The following STXBP6 variants were observed in gnomAD, a reference collection of about 807,000 sequenced individuals.
STXBP6 encodes syntaxin-binding protein 6.
STXBP6 carries 21 observed loss-of-function variants against 26.9 expected under a neutral mutation model. The ratio of observed to expected loss-of-function variants is 0.78; its 90% CI spans 0.55 to 1.12. The LOEUF is 1.12. STXBP6 is among the 50% of genes most tolerant of loss of function. The pLI is 0.00. For synonymous variants in STXBP6, 97 were observed against 92.6 expected (o/e 1.05, Z -0.27); for missense variants, 232 against 257.9 (o/e 0.90, Z 0.69).
chr14:24,935,409 T>C (rs945004509), intron 2 of STXBP6, among the ~76,000 whole-genome samples: 2 of 152,072 alleles, frequency 1.3e-5, no homozygotes, highest in East Asian at 1.9e-4. Flanking sequence ...AAAAGCAACA[T>C]CCGTCCCCTG....
chr14:24,888,935 T>C (rs368302001), intron 2 of STXBP6, among the ~76,000 whole-genome samples: 1 of 152,096 alleles, frequency 6.6e-6, no homozygotes, highest in East Asian at 1.9e-4. Flanking sequence ...CCCTGCCCCT[T>C]TTCCTCTTTT....
At chr14:24,976,359 T>A (rs552025141) in intron 1 of STXBP6, among the ~76,000 whole-genome samples, 1 of 152,350 alleles carries the variant, frequency 6.6e-6, no homozygotes, top group Non-Finnish European at 1.5e-5. Context: ...TTTCTCCTAG[T>A]TTTTATTCTG....
intron 1 of STXBP6, among the ~76,000 whole-genome samples, chr14:25,045,177 C>T (rs1303159741): frequency 6.6e-6 from 1 of 152,150 alleles, no homozygotes; most frequent in Non-Finnish European, 1.5e-5. Context: ...TATATAACCT[C>T]AGAAAATTCT....
At chr14:24,867,998 A>T (rs1448095512) in intron 2 of STXBP6, among the ~76,000 whole-genome samples, 1 of 152,024 alleles carries the variant, frequency 6.6e-6, no homozygotes, top group East Asian at 1.9e-4. Context: ...GGAGCTTGAG[A>T]CCAGCCTGGG....
At chr14:24,960,151 G>C (rs1158888737) in intron 2 of STXBP6, among the ~76,000 whole-genome samples, 3 of 152,212 alleles carry the variant, frequency 2.0e-5, no homozygotes, top group South Asian at 2.1e-4. Context: ...GTATCCCATA[G>C]AAAGCCATGG....
intron 1 of STXBP6, among the ~76,000 whole-genome samples, chr14:24,980,297 G>A (rs1364460722): frequency 6.6e-6 from 1 of 152,154 alleles, no homozygotes; most frequent in African/African-American, 2.4e-5. Context: ...CTTTAAAAGT[G>A]TTTAAGAAAG....
intron 2 of STXBP6, among the ~76,000 whole-genome samples, chr14:24,912,454 A>AG (rs1433786541): frequency 6.6e-6 from 1 of 151,948 alleles, no homozygotes; most frequent in Non-Finnish European, 1.5e-5. Context: ...AAAAAAAAAA[A>AG]AAAAAGTGAA....
At chr14:25,002,359 C>CTTTTTTTTTTTTTTTCTTTTTTT (rs1365586543) in intron 1 of STXBP6, among the ~76,000 whole-genome samples, 2 of 121,366 alleles carry the variant, frequency 1.6e-5, no homozygotes, top group African/African-American at 3.4e-5. Context: ...ATTCTTATGA[C>CTTTTTTTTTTTTTTTCTTTTTTT]TTTTTTTTTT....
chr14:24,865,327 G>A (rs2069678944), intron 2 of STXBP6, among the ~76,000 whole-genome samples: 1 of 152,132 alleles, frequency 6.6e-6, no homozygotes, highest in African/African-American at 2.4e-5. Flanking sequence ...CTAGTTTACT[G>A]CTTTGAGAGA....
chr14:24,971,939 T>C (rs983212691), intron 2 of STXBP6, among the ~76,000 whole-genome samples: 29 of 152,186 alleles, frequency 1.9e-4, no homozygotes, highest in African/African-American at 6.8e-4. Context: ...TCTTAATAAA[T>C]ATTTGACTAA....
chr14:24,864,911 A>G (rs1290284536), intron 2 of STXBP6, among the ~76,000 whole-genome samples: 1 of 152,154 alleles, frequency 6.6e-6, no homozygotes, highest in African/African-American at 2.4e-5. Flanking sequence ...AAAAAAGTGC[A>G]TGGTATCACT....
At chr14:24,951,581 C>G (rs1395460101) in intron 2 of STXBP6, among the ~76,000 whole-genome samples, 1 of 152,094 alleles carries the variant, frequency 6.6e-6, no homozygotes, top group African/African-American at 2.4e-5. Context: ...TACACAACTT[C>G]TAAAGTGCAT....
At position 24,952,784 on chromosome 14, in the gene STXBP6, T is replaced by C. The variant is rs1298819995; in HGVS notation, c.154+21881A>G. Among the ~76,000 whole-genome samples, 8 of 152,184 alleles carry C rather than the reference T, an allele frequency of 5.3e-5. No homozygotes were observed. The South Asian group carries it at 8.3e-4, about 16-fold the overall frequency. Reference sequence around the variant, plus strand: ...TTGTTTTCCCTCTTGATTTATTTAATGCTGTCCATAAATTTCATCAAATAA... The same window carrying C: ...TTGTTTTCCCTCTTGATTTATTTAACGCTGTCCATAAATTTCATCAAATAA... On this transcript the variant is annotated intron_variant, in intron 2 of 5. Transcript: ENST00000323944.
intron 4 of STXBP6, among the ~76,000 whole-genome samples, chr14:24,847,343 A>C (rs2068996826): frequency 6.6e-6 from 1 of 152,288 alleles, no homozygotes; most frequent in East Asian, 1.9e-4. Flanking sequence ...CAATGAAGTA[A>C]GCTTTTCATA....
At chr14:24,916,067 T>C (rs750970746) in intron 2 of STXBP6, among the ~76,000 whole-genome samples, 5 of 152,108 alleles carry the variant, frequency 3.3e-5, no homozygotes, top group East Asian at 3.9e-4. Flanking sequence ...TAAATATATG[T>C]CTTGGTTAGA....
chr14:25,002,356 T>C (rs558413979), intron 1 of STXBP6, among the ~76,000 whole-genome samples: 1 of 144,740 alleles, frequency 6.9e-6, no homozygotes, highest in African/African-American at 2.7e-5. Context: ...TAAATTCTTA[T>C]GACTTTTTTT....
intron 2 of STXBP6, among the ~76,000 whole-genome samples, chr14:24,907,625 T>C (rs1225980323): frequency 6.6e-6 from 1 of 152,202 alleles, no homozygotes; most frequent in Non-Finnish European, 1.5e-5. Flanking sequence ...CTCACAGATT[T>C]AATTTCTTAA....
At chr14:25,023,270 T>G (rs905483307) in intron 1 of STXBP6, among the ~76,000 whole-genome samples, 4 of 152,034 alleles carry the variant, frequency 2.6e-5, no homozygotes, top group Non-Finnish European at 5.9e-5. Context: ...CCACAGAAAG[T>G]TTTTTGGAAT....
chr14:24,949,012 T>TG (rs1339527022), intron 2 of STXBP6, among the ~76,000 whole-genome samples: 1 of 151,882 alleles, frequency 6.6e-6, no homozygotes, highest in South Asian at 2.1e-4. Context: ...GTGACATCAA[T>TG]GGGGGAGAGG....
Sources: allele counts gnomAD v4.1 joint callset (sites outside exome capture counted in the v4.1 genomes callset), GRCh38; gene constraint gnomAD v4.1.1; transcripts MANE v1.5; gene names NCBI Gene and HGNC (gene_info 2026-07-23, HGNC 2026-07-21).